Variants in ARHGEF12 observed in about 807,000 individuals in gnomAD.
The protein encoded by ARHGEF12 is Rho guanine nucleotide exchange factor 12, also known as KMT2A/ARHGEF12 fusion protein.
A neutral mutation model predicts 211.2 loss-of-function variants in ARHGEF12; 66 were observed. That is an observed-to-expected ratio of 0.31 (90% CI 0.26 to 0.38). ARHGEF12 has a LOEUF of 0.38. Among genes scored for constraint, ARHGEF12 ranks in the 10% least tolerant of loss-of-function variants. The pLI is 1.00. For missense variants in ARHGEF12, 1,429 were observed against 1,869.5 expected (o/e 0.76, Z 4.34); for synonymous variants, 592 against 638.4 (o/e 0.93, Z 1.09).
Position 120,478,282 on chromosome 11 carries a change from A to C in ARHGEF12, c.3659A>C (p.His1220Pro), listed in dbSNP as rs776420216. The C allele has an allele frequency of 6.2e-7, 1 of 1,614,200 alleles. No individual in the cohort carries two copies. Among genetic ancestry groups the C allele is most frequent in the South Asian group, 1.1e-5 (1 of 91,088 alleles). ...GAGAGACAGTTTGCAAAGGAACAAC[A>C]TACAGATGGGACACTAAAGGAAGTT... ...VAERQFAKEQ[H>P]TDGTLKEVGE... The change falls in exon 37 of 41, where the codon CAT (histidine) becomes CCT (proline). Residue 1220 changes from histidine (H) to proline (P), a missense_variant. His to Pro is a moderately conservative substitution (Grantham distance 77, BLOSUM62 -2). This residue lies in a region of ARHGEF12 where 467 missense variants were observed against 468.4 expected (regional missense o/e 1.00). Transcript: ENST00000397843.
intron 39 of ARHGEF12, among the ~76,000 whole-genome samples, chr11:120,483,600 A>G (rs1947318860): frequency 6.8e-6 from 1 of 147,206 alleles, no homozygotes; most frequent in Non-Finnish European, 1.5e-5. Flanking sequence ...ATTTTTTTCT[A>G]TCTTTTAATT....
chr11:120,484,960 T>G (rs1172997810), intron 40 of ARHGEF12, 107 bp from the exon 41 acceptor site: 1 of 1,207,170 alleles, frequency 8.3e-7, no homozygotes, highest in Non-Finnish European at 1.2e-6. Flanking sequence ...TACATACTGA[T>G]TCAGAAACAA....
Position 120,487,096 on chromosome 11 carries a change from CG to C in ARHGEF12, c.*2020del. On this transcript the variant is annotated 3_prime_UTR_variant, in exon 41 of 41. Transcript: ENST00000397843. ...TGTAGCCACTTGACACTAACACCAT[CG>C]AGGGCAATTAATCAGGAGAAAAGTA... is the stretch of plus-strand genomic sequence containing the variant. 1 of 216,982 alleles carries C rather than the reference CG, an allele frequency of 4.6e-6. No homozygotes were observed. Among genetic ancestry groups the C allele is most frequent in the Non-Finnish European group, 9.3e-6 (1 of 107,886 alleles). 13.4% of individuals were successfully genotyped at this position (216,982 alleles called of 1,614,324 possible). A position where few individuals can be genotyped will look rare whatever the true frequency, so the allele number is the denominator to read the frequency against.
intron 1 of ARHGEF12, chr11:120,337,669 C>T: frequency 2.0e-6 from 2 of 985,402 alleles, no homozygotes; most frequent in African/African-American, 1.7e-5. Flanking sequence ...GCAGTAGATT[C>T]TCAAGACAAT....
chr11:120,422,852 A>G (rs2061968928), intron 6 of ARHGEF12, among the ~76,000 whole-genome samples: 1 of 152,232 alleles, frequency 6.6e-6, no homozygotes, highest in Admixed American at 6.5e-5. Context: ...GTGGAACACA[A>G]CAGAGAGACT....
intron 1 of ARHGEF12, among the ~76,000 whole-genome samples, chr11:120,395,109 G>A (rs1332910770): frequency 7.4e-5 from 11 of 148,934 alleles, no homozygotes; most frequent in Non-Finnish European, 1.5e-5. Context: ...ATAGCTTTAT[G>A]GCAATAAATT....
chr11:120,481,656 T>C (rs545734684), intron 39 of ARHGEF12, 80 bp downstream of exon 39: 59 of 1,382,172 alleles, frequency 4.3e-5, no homozygotes, highest in Non-Finnish European at 5.7e-5. Flanking sequence ...ATGAAAATGC[T>C]GATGTCAATA....
At chr11:120,361,516 A>G (rs1943273858) in intron 1 of ARHGEF12, among the ~76,000 whole-genome samples, 1 of 152,150 alleles carries the variant, frequency 6.6e-6, no homozygotes, top group Non-Finnish European at 1.5e-5. Context: ...GTGTCAAGTT[A>G]TTTATTGGAC....
intron 4 of ARHGEF12, chr11:120,411,114 A>G (rs1160600931): frequency 1.3e-5 from 2 of 152,158 alleles, no homozygotes. Flanking sequence ...CAGGCATGCC[A>G]TTGGCTTGGT....
intron 1 of ARHGEF12, among the ~76,000 whole-genome samples, chr11:120,347,407 G>C (rs1942801532): frequency 6.6e-6 from 1 of 151,714 alleles, no homozygotes; most frequent in Non-Finnish European, 1.5e-5. Context: ...AATGATGCCA[G>C]TTGAAAGGAA....
chr11:120,454,723 G>T (rs981915105), intron 22 of ARHGEF12, among the ~76,000 whole-genome samples: 2 of 152,212 alleles, frequency 1.3e-5, no homozygotes, highest in African/African-American at 4.8e-5. Flanking sequence ...TTGGCAGGAG[G>T]CCTTAGCTCC....
intron 32 of ARHGEF12, 131 bp downstream of exon 32, chr11:120,474,766 T>C: frequency 1.6e-6 from 1 of 623,066 alleles, no homozygotes; most frequent in Admixed American, 3.2e-5. Flanking sequence ...GTGTTATTTG[T>C]ACATTTGTAG....
At chr11:120,417,605 C>G (rs1269324315) in intron 4 of ARHGEF12, among the ~76,000 whole-genome samples, 1 of 150,402 alleles carries the variant, frequency 6.6e-6, no homozygotes, top group Non-Finnish European at 1.5e-5. Context: ...ACCTCCAGCT[C>G]CCAGATTCAA....
intron 23 of ARHGEF12, 174 bp downstream of exon 23, chr11:120,457,424 T>A: frequency 1.5e-6 from 1 of 689,556 alleles, no homozygotes; most frequent in Non-Finnish European, 2.2e-6. Context: ...AACTCAGGAG[T>A]TTGAGACCAG....
intron 15 of ARHGEF12, among the ~76,000 whole-genome samples, chr11:120,443,820 T>A (rs938571240): frequency 1.3e-4 from 20 of 152,234 alleles, no homozygotes; most frequent in African/African-American, 4.8e-4. Context: ...AACAATTTTT[T>A]AAAAATATAG....
In ARHGEF12 at chr11:120,440,134, T is replaced by A. The variant is rs777118191; in HGVS notation, c.1005T>A (p.Thr335=). Reference sequence around the variant, plus strand: ...TTTTCCCTGAATGTTGCCAGGACACTCAATCACTTGTCGGAAGTCCCTCAA... The same window carrying A: ...TTTTCCCTGAATGTTGCCAGGACACACAATCACTTGTCGGAAGTCCCTCAA... ...EKSETIQDTD[T]QSLVGSPSTR... Residue 335 remains threonine (T), a synonymous_variant, in exon 13 of 41, where the codon ACT becomes ACA. Transcript: ENST00000397843. The A allele has an allele frequency of 3.7e-6, 6 of 1,610,780 alleles. No individual in the cohort carries two copies. The African/African-American group carries it at 8.0e-5, about 22-fold the overall frequency.
intron 1 of ARHGEF12, among the ~76,000 whole-genome samples, chr11:120,382,595 T>C (rs1214436333): frequency 6.6e-6 from 1 of 152,248 alleles, no homozygotes; most frequent in South Asian, 2.1e-4. Flanking sequence ...CTGGAGTGAT[T>C]GTACCAATTT....
chr11:120,437,487 TG>T (rs1945730137), intron 12 of ARHGEF12, 105 bp downstream of exon 12: 2 of 755,056 alleles, frequency 2.6e-6, no homozygotes, highest in Non-Finnish European at 3.8e-6. Context: ...TTTTATTTTT[TG>T]GAAAAAAAAT....
At position 120,437,277 on chromosome 11, in the gene ARHGEF12, A is replaced by G. The variant is rs548673308; in HGVS notation, c.925-31A>G. 92 of 1,525,198 alleles carry G rather than the reference A, an allele frequency of 6.0e-5. 2 individuals are homozygous for G. The South Asian group carries it at 1.0e-3, about 17-fold the overall frequency. 94.5% of individuals were successfully genotyped at this position (1,525,198 alleles called of 1,614,324 possible). ...CATCTCCTTTTGGTGTGCCTATTGA[A>G]ATGAACTGAAGATCTTGTTTTTTTC... On this transcript the variant is annotated intron_variant, in intron 11 of 40. Transcript: ENST00000397843.
Sources: gnomAD v4.1 joint callset for allele counts (sites outside exome capture counted in the v4.1 genomes callset) on GRCh38, gnomAD v4.1.1 for gene constraint, gnomAD v4.1.1 regional missense constraint, MANE v1.5 for transcripts, NCBI Gene and HGNC (gene_info 2026-07-23, HGNC 2026-07-21) for gene names.